The following CEP112 variants were observed in gnomAD, a reference collection of about 807,000 sequenced individuals.
CEP112 encodes the protein centrosomal protein of 112 kDa.
In CEP112, 127 loss-of-function variants were observed where a neutral mutation model predicts 153.0. The ratio of observed to expected loss-of-function variants is 0.83; its 90% CI spans 0.72 to 0.96. The LOEUF is 0.96. Ranked by LOEUF, CEP112 falls within the 40% of genes least tolerant of loss-of-function variation. The pLI is 0.00. For synonymous variants in CEP112, 358 were observed against 374.4 expected (o/e 0.96, Z 0.51); for missense variants, 1,089 against 1,101.2 (o/e 0.99, Z 0.16).
intron 17 of CEP112, among the ~76,000 whole-genome samples, chr17:66,004,564 C>A (rs1852746161): frequency 6.6e-6 from 1 of 152,176 alleles, no homozygotes; most frequent in African/African-American, 2.4e-5. Context: ...TATTATTGTT[C>A]TCTCCTGATT....
chr17:66,180,083 C>T (rs117825836), intron 2 of CEP112, among the ~76,000 whole-genome samples: 5,193 of 152,060 alleles, frequency 0.034, 132 homozygotes, highest in Middle Eastern at 0.061. Context: ...TTGAATTCTG[C>T]TTGCAAGTAT....
chr17:65,641,733 A>G (rs59783655), intron 24 of CEP112, among the ~76,000 whole-genome samples: 21,267 of 152,154 alleles, frequency 0.14, 1,886 homozygotes, highest in East Asian at 0.48. Flanking sequence ...GTGACAGAGT[A>G]AGACTTTTTC....
Position 65,901,996 on chromosome 17 carries a change from GGGT to G in CEP112, c.2163+153_2163+155del, listed in dbSNP as rs200657478. ...TTCATCCCAAAACGGGGGGGGGGGG[GGGT>G]GGGGGGGAGAAAAACAAAAAAAAAA... On this transcript the variant is annotated intron_variant, in intron 20 of 26. Coordinates refer to ENST00000535342, the MANE Select transcript of CEP112 (RefSeq NM_001199165.4). Among the ~76,000 whole-genome samples the G allele has an allele frequency of 5.2e-4, 25 of 48,530 alleles. 2 individuals are homozygous for G. The highest frequency in any genetic ancestry group is 8.6e-4 in the Non-Finnish European group (20 of 23,314). 31.8% of individuals were successfully genotyped at this position (48,530 alleles called of 152,430 possible). A position where few individuals can be genotyped will look rare whatever the true frequency, so the allele number is the denominator to read the frequency against.
chr17:65,926,831 T>C (rs1411032047), intron 19 of CEP112, among the ~76,000 whole-genome samples: 1 of 152,202 alleles, frequency 6.6e-6, no homozygotes, highest in African/African-American at 2.4e-5. Context: ...GTTCTCTCTG[T>C]TGCTGTTCTC....
intron 24 of CEP112, among the ~76,000 whole-genome samples, chr17:65,659,513 G>A (rs1481328744): frequency 1.3e-5 from 2 of 152,178 alleles, no homozygotes; most frequent in African/African-American, 4.8e-5. Flanking sequence ...ATTTACTTAG[G>A]CAGCTCGATG....
intron 5 of CEP112, among the ~76,000 whole-genome samples, chr17:66,130,993 G>C (rs1204704515): frequency 2.0e-5 from 3 of 152,220 alleles, no homozygotes; most frequent in African/African-American, 4.8e-5. Context: ...CTGTGGAAAA[G>C]AATGGCTACC....
intron 17 of CEP112, among the ~76,000 whole-genome samples, chr17:66,002,651 T>C (rs1217360514): frequency 6.6e-6 from 1 of 152,196 alleles, no homozygotes; most frequent in Non-Finnish European, 1.5e-5. Context: ...CAGTCCATCT[T>C]ACTGATTATT....
chr17:65,953,889 C>T (rs1265111197), intron 18 of CEP112, among the ~76,000 whole-genome samples: 3 of 152,144 alleles, frequency 2.0e-5, no homozygotes, highest in African/African-American at 7.2e-5. Flanking sequence ...TATCAGAAGA[C>T]AAAAATCGTA....
chr17:66,172,718 C>G (rs2072297358), intron 4 of CEP112, among the ~76,000 whole-genome samples: 1 of 152,178 alleles, frequency 6.6e-6, no homozygotes, highest in Non-Finnish European at 1.5e-5. Flanking sequence ...CTGAACCCTT[C>G]TCTTATACAC....
chr17:66,185,563 GGTC>G lies in CEP112; in HGVS notation c.-8-2259_-8-2257del, dbSNP rs34706015. On this transcript the variant is annotated intron_variant, in intron 1 of 26. Transcript: ENST00000535342. Reference sequence around the variant, plus strand: ...TCCTTTTTAAAAACTGTAAAATATTGGTCATCATACTTCCTTCTAATTAACAAG... The same window carrying G: ...TCCTTTTTAAAAACTGTAAAATATTGATCATACTTCCTTCTAATTAACAAG... 7.1e-3 allele frequency among the ~76,000 whole-genome samples: 1,083 copies of G among 152,170 alleles called. 12 individuals carry two copies. The highest frequency in any genetic ancestry group is 0.011 in the Non-Finnish European group (757 of 68,004).
chr17:66,170,181 A>G (rs1407202990), intron 4 of CEP112, among the ~76,000 whole-genome samples: 1 of 152,176 alleles, frequency 6.6e-6, no homozygotes, highest in Non-Finnish European at 1.5e-5. Context: ...GAAGCAAGTC[A>G]CAGGACCTGC....
intron 21 of CEP112, among the ~76,000 whole-genome samples, chr17:65,757,010 G>A (rs1269752772): frequency 6.6e-6 from 1 of 152,126 alleles, no homozygotes; most frequent in East Asian, 1.9e-4. Context: ...TAAGGGTGGG[G>A]CCCTACTCCA....
At chr17:65,880,549 T>A (rs1180452914) in intron 20 of CEP112, among the ~76,000 whole-genome samples, 1 of 152,236 alleles carries the variant, frequency 6.6e-6, no homozygotes. Context: ...ATGTGATGAC[T>A]ATTTACTATC....
At chr17:66,159,679 C>A (rs1281274257) in intron 4 of CEP112, among the ~76,000 whole-genome samples, 1 of 152,142 alleles carries the variant, frequency 6.6e-6, no homozygotes, top group Non-Finnish European at 1.5e-5. Context: ...TCTCAATAAA[C>A]TAGGTATTGA....
At chr17:65,881,051 C>T (rs544323836) in intron 20 of CEP112, among the ~76,000 whole-genome samples, 1 of 152,230 alleles carries the variant, frequency 6.6e-6, no homozygotes, top group Admixed American at 6.5e-5. Context: ...CCTGTCTCTA[C>T]TAAAATACAA....
intron 4 of CEP112, among the ~76,000 whole-genome samples, chr17:66,158,445 T>C (rs1383260434): frequency 6.6e-6 from 1 of 151,912 alleles, no homozygotes; most frequent in Non-Finnish European, 1.5e-5. Context: ...AACCCATCTC[T>C]ACTAAAAATA....
At chr17:65,644,504 A>C (rs976576342) in intron 24 of CEP112, 7 of 334,782 alleles carry the variant, frequency 2.1e-5, no homozygotes, top group African/African-American at 1.1e-4. Context: ...CATACAGGTT[A>C]ATTTGGACAA....
At chr17:66,030,680 G>T (rs2145725856) in intron 12 of CEP112, among the ~76,000 whole-genome samples, 1 of 152,036 alleles carries the variant, frequency 6.6e-6, no homozygotes, top group South Asian at 2.1e-4. Flanking sequence ...TATTTATTTA[G>T]AATTTTTCCC....
chr17:65,957,731 CT>C (rs2062049136), intron 18 of CEP112, among the ~76,000 whole-genome samples: 2 of 152,088 alleles, frequency 1.3e-5, no homozygotes, highest in Admixed American at 6.6e-5. Context: ...ATTTCTGCTT[CT>C]GTTCCTTTGG....
Sources: gnomAD v4.1 joint callset for allele counts (sites outside exome capture counted in the v4.1 genomes callset) on GRCh38, gnomAD v4.1.1 for gene constraint, MANE v1.5 for transcripts, NCBI Gene and HGNC (gene_info 2026-07-23, HGNC 2026-07-21) for gene names.